CLPSL1: variants seen among roughly 807,000 people sequenced by gnomAD.
CLPSL1 encodes colipase-like protein 1.
CLPSL1 carries 13 observed loss-of-function variants against 9.3 expected under a neutral mutation model. The ratio of observed to expected loss-of-function variants is 1.40; its 90% CI spans 0.91 to 2.22. The LOEUF is 2.22. CLPSL1 is among the 30% of genes most tolerant of loss of function. The probability of loss-of-function intolerance (pLI) is 0.00; values close to 1 mark genes in which losing one functional copy is unlikely to be tolerated. For synonymous variants in CLPSL1, 58 were observed against 56.9 expected, an observed-to-expected ratio of 1.02 and a Z score of -0.08; for missense variants, 164 against 146.6, an observed-to-expected ratio of 1.12 and a Z score of -0.61.
downstream of CLPSL1, among the ~76,000 whole-genome samples, chr6:35,791,577 C>T (rs9470097): frequency 0.16 from 23,877 of 145,042 alleles, 50 homozygotes; most frequent in East Asian, 0.24. Context: ...CATTGCATTC[C>T]GGCCTGGGTG....
chr6:35,789,023 G>C (rs60861690), downstream of CLPSL1, among the ~76,000 whole-genome samples: 1 of 152,244 alleles, frequency 6.6e-6, no homozygotes, highest in Non-Finnish European at 1.5e-5. Context: ...TACTTAGAAC[G>C]CCCCCTTGTA....
rs747032118 is a variant in CLPSL1, at chr6:35,787,848, A to C, written c.223-19A>C. The C allele has an allele frequency of 2.5e-6, 4 of 1,606,460 alleles. No homozygotes were observed. Among genetic ancestry groups the C allele is most frequent in the Non-Finnish European group, 3.4e-6 (4 of 1,174,854 alleles). On this transcript the variant is annotated intron_variant, in intron 2 of 2. Coordinates refer to ENST00000373861, the MANE Select transcript of CLPSL1 (RefSeq NM_001010886.5). ...AAGAGCTGCCGCCAAGGTCGAGGTC[A>C]AAGTCCTGTCTTTCCCAGGTGTTCT...
chr6:35,792,531 G>C (rs1204040567), downstream of CLPSL1, among the ~76,000 whole-genome samples: 2 of 152,286 alleles, frequency 1.3e-5, no homozygotes, highest in Non-Finnish European at 2.9e-5. Context: ...TCCTTGAGCT[G>C]TGGTTAGACT....
chr6:35,790,805 A>T (rs1768171110), downstream of CLPSL1, among the ~76,000 whole-genome samples: 1 of 152,262 alleles, frequency 6.6e-6, no homozygotes, highest in South Asian at 2.1e-4. Flanking sequence ...CTCTGCATTT[A>T]GGCAGACAAA....
At chr6:35,791,946 C>T (rs995366892), downstream of CLPSL1, among the ~76,000 whole-genome samples, 5 of 150,066 alleles carry the variant, frequency 3.3e-5, no homozygotes, top group Admixed American at 1.3e-4. Flanking sequence ...ATTAGCTGGA[C>T]GTGGTGGCAT....
At chr6:35,783,527 C>T (rs1164126630) in intron 1 of CLPSL1, among the ~76,000 whole-genome samples, 1 of 151,200 alleles carries the variant, frequency 6.6e-6, no homozygotes, top group Non-Finnish European at 1.5e-5. Flanking sequence ...AAAAGGGGGG[C>T]TGGGCGCGGT....
intron 1 of CLPSL1, among the ~76,000 whole-genome samples, chr6:35,786,270 A>G (rs1228464622): frequency 1.3e-5 from 2 of 152,224 alleles, no homozygotes; most frequent in African/African-American, 4.8e-5. Context: ...AGAAGAAAAG[A>G]AAATTTAAAT....
chr6:35,788,516 G>A (rs1768133595), downstream of CLPSL1, among the ~76,000 whole-genome samples: 1 of 152,384 alleles, frequency 6.6e-6, no homozygotes, highest in Admixed American at 6.5e-5. Context: ...GGCCGCTCTA[G>A]CTGCCTTATG....
At chr6:35,782,601 G>GTGCA (rs1767986861) in intron 1 of CLPSL1, among the ~76,000 whole-genome samples, 1 of 152,274 alleles carries the variant, frequency 6.6e-6, no homozygotes, top group African/African-American at 2.4e-5. Context: ...CGGGCAAAGA[G>GTGCA]TGCAGGACAG....
At chr6:35,784,838 A>G (rs143870674) in intron 1 of CLPSL1, among the ~76,000 whole-genome samples, 2,365 of 152,346 alleles carry the variant, frequency 0.016, 41 homozygotes, top group Middle Eastern at 0.044. Flanking sequence ...GAGGGGCATA[A>G]AGCAGAAAAA....
chr6:35,792,192 T>C (rs1191715019), downstream of CLPSL1, among the ~76,000 whole-genome samples: 1 of 152,336 alleles, frequency 6.6e-6, no homozygotes, highest in East Asian at 1.9e-4. Flanking sequence ...GAGGATCACT[T>C]GAGCCCAGGA....
At chr6:35,781,352 G>C in intron 1 of CLPSL1, 143 bp downstream of exon 1, 2 of 1,301,744 alleles carry the variant, frequency 1.5e-6, no homozygotes, top group South Asian at 3.1e-5. Flanking sequence ...AAGATGTCTC[G>C]GAGGAAAGAG....
chr6:35,789,985 G>A (rs1443532648), downstream of CLPSL1, among the ~76,000 whole-genome samples: 1 of 152,240 alleles, frequency 6.6e-6, no homozygotes, highest in Non-Finnish European at 1.5e-5. Flanking sequence ...AGAGTGCAGT[G>A]GCTCCATCTC....
At chr6:35,787,763 TG>T in intron 2 of CLPSL1, 103 bp from the exon 3 acceptor site, 1 of 1,102,694 alleles carries the variant, frequency 9.1e-7, no homozygotes, top group Non-Finnish European at 1.3e-6. Flanking sequence ...CCCTGGATCC[TG>T]GCTGTGGGCA....
In CLPSL1 at chr6:35,788,145, T is replaced by C. The variant is rs1482084775; in HGVS notation, c.*135T>C. 3.8e-6 allele frequency: 2 copies of C among 530,972 alleles called. No homozygotes were observed. The highest frequency in any genetic ancestry group is 7.1e-6 in the Non-Finnish European group (2 of 281,990). 32.9% of individuals were successfully genotyped at this position (530,972 alleles called of 1,614,324 possible). ...GGAGTGATTGAAATAAAGAGCTTTT[T>C]CAATGTTTGCTGCCCACAGAGTTGG... On this transcript the variant is annotated 3_prime_UTR_variant, in exon 3 of 3. Transcript: ENST00000373861.
chr6:35,789,748 G>C (rs984596512), downstream of CLPSL1, among the ~76,000 whole-genome samples: 1 of 152,204 alleles, frequency 6.6e-6, no homozygotes, highest in African/African-American at 2.4e-5. Flanking sequence ...ACAAAAATTA[G>C]CTGGGTGTGG....
At chr6:35,781,320 G>A in intron 1 of CLPSL1, 111 bp downstream of exon 1, 1 of 1,444,578 alleles carries the variant, frequency 6.9e-7, no homozygotes, top group Non-Finnish European at 9.2e-7. Flanking sequence ...CAGAAGTGGG[G>A]GCAGCAGGGA....
downstream of CLPSL1, among the ~76,000 whole-genome samples, chr6:35,788,366 A>G (rs1333478426): frequency 1.3e-5 from 2 of 152,262 alleles, no homozygotes; most frequent in African/African-American, 4.8e-5. Flanking sequence ...CCACTCTGTA[A>G]TCTACCCCCC....
chr6:35,792,611 G>A (rs1476683607), downstream of CLPSL1, among the ~76,000 whole-genome samples: 5 of 152,280 alleles, frequency 3.3e-5, no homozygotes, highest in Non-Finnish European at 4.4e-5. Context: ...AGCACTGGCC[G>A]TTGGAAATAA....
Sources: allele counts gnomAD v4.1 joint callset (sites outside exome capture counted in the v4.1 genomes callset), GRCh38; gene constraint gnomAD v4.1.1; transcripts MANE v1.5; gene names NCBI Gene and HGNC (gene_info 2026-07-23, HGNC 2026-07-21).